Variants in RADX observed in about 807,000 individuals in gnomAD.
The protein encoded by RADX is RPA-related protein RADX.
RADX carries 36 observed loss-of-function variants against 61.6 expected under a neutral mutation model. The observed-to-expected ratio is 0.58, with a 90% confidence interval of 0.45 to 0.77. The LOEUF is 0.77. RADX is among the 30% of genes least tolerant of loss of function. The pLI is 0.00. For missense variants in RADX, 497 were observed against 651.1 expected (o/e 0.76, Z 2.58); for synonymous variants, 272 against 237.9 (o/e 1.14, Z -1.32).
chrX:106,666,638 C>T (rs903848840), intron 12 of RADX, among the ~76,000 whole-genome samples: 1 of 111,800 alleles, frequency 8.9e-6, no homozygotes, highest in Non-Finnish European at 1.9e-5. Flanking sequence ...ATTATTTCAG[C>T]GTATCTATAG....
At chrX:106,640,745 T>C in intron 10 of RADX, 24 bp downstream of exon 10, 2 of 1,049,882 alleles carry the variant, frequency 1.9e-6, no homozygotes, top group Non-Finnish European at 2.6e-6. Flanking sequence ...ATTAAGTATA[T>C]GTAAAGTATA....
chrX:106,633,209 G>A lies in RADX; in HGVS notation c.1260G>A (p.Leu420=), dbSNP rs1442433359. The A allele has an allele frequency of 8.3e-7, 1 of 1,205,133 alleles. No individual in the cohort carries two copies. The highest frequency in any genetic ancestry group is 1.7e-5 in the African/African-American group (1 of 57,671). The part of the protein sequence containing the change: ...GTSEQPFIVE[L]FSTSQPEIFE... ...CAGAACAACCATTTATAGTGGAACTGTTTTCAACATCGCAGCCAGAAATCT... is the reference window on the plus strand; with the variant it reads ...CAGAACAACCATTTATAGTGGAACTATTTTCAACATCGCAGCCAGAAATCT... The change falls in exon 6 of 14, where the codon CTG becomes CTA. Residue 420 remains leucine (L), a synonymous_variant. Coordinates refer to ENST00000372548, the MANE Select transcript of RADX (RefSeq NM_018015.6).
intron 13 of RADX, among the ~76,000 whole-genome samples, chrX:106,677,231 A>C (rs1928533358): frequency 1.8e-5 from 2 of 112,237 alleles, no homozygotes; most frequent in Non-Finnish European, 3.8e-5. Context: ...AGCAACCTGC[A>C]CCAGAAGTGC....
chrX:106,665,670 A>G (rs1243306762), intron 12 of RADX, among the ~76,000 whole-genome samples: 1 of 110,844 alleles, frequency 9.0e-6, no homozygotes, highest in Non-Finnish European at 1.9e-5. Context: ...TGTCTAATTT[A>G]GTGATACTAT....
In RADX at chrX:106,619,158, G is replaced by A. The variant is rs781573952; in HGVS notation, c.644-3493G>A. 4.5e-5 allele frequency among the ~76,000 whole-genome samples: 5 copies of A among 110,312 alleles called. No individual in the cohort carries two copies. In the South Asian group the frequency reaches 1.9e-3, roughly 43 times the overall value. ...TGAATGTTTTTTTAAAAAATTTTAT[G>A]GGTACATAGTAGGTGTAGATATATA... On this transcript the variant is annotated intron_variant, in intron 1 of 13. Transcript: ENST00000372548.
intron 1 of RADX, among the ~76,000 whole-genome samples, chrX:106,617,950 G>C (rs1685764871): frequency 8.9e-6 from 1 of 111,828 alleles, no homozygotes; most frequent in South Asian, 3.7e-4. Flanking sequence ...ATTTGGAAAA[G>C]GTTGCAAAGA....
chrX:106,625,571 A>G (rs1239878138), intron 3 of RADX, among the ~76,000 whole-genome samples: 2 of 111,874 alleles, frequency 1.8e-5, no homozygotes, highest in Admixed American at 9.5e-5. Flanking sequence ...GTCATATAAT[A>G]TTAAGTTAAT....
chrX:106,646,624 A>G (rs73529272), intron 10 of RADX, among the ~76,000 whole-genome samples: 5,663 of 110,924 alleles, frequency 0.051, 357 homozygotes, highest in African/African-American at 0.18. Flanking sequence ...CTTGTAGGAA[A>G]TTATGCTGGA....
In RADX at chrX:106,657,975, A is replaced by G. The variant is rs1049419535; in HGVS notation, c.1979-4040A>G. On this transcript the variant is annotated intron_variant, in intron 11 of 13. Transcript: ENST00000372548. ...AACACAGGGTTCCCACAGACCTTCA[A>G]TTTGCAAAAAAATGCAATATCTGTG... Among the ~76,000 whole-genome samples, 4 of 111,893 alleles carry G rather than the reference A, an allele frequency of 3.6e-5. No homozygotes were observed. The East Asian group carries it at 8.4e-4, about 24-fold the overall frequency.
At chrX:106,677,470 G>A (rs1050565129) in intron 13 of RADX, among the ~76,000 whole-genome samples, 3 of 107,546 alleles carry the variant, frequency 2.8e-5, no homozygotes, top group Admixed American at 1.0e-4. Context: ...CCTGGAACTC[G>A]TTACTCTGCC....
At chrX:106,650,461 A>G (rs1927766523) in intron 11 of RADX, among the ~76,000 whole-genome samples, 1 of 111,052 alleles carries the variant, frequency 9.0e-6, no homozygotes, top group Admixed American at 9.6e-5. Flanking sequence ...ACAAGCTTCC[A>G]AAGGAAATGA....
chrX:106,630,329 C>T (rs1363324199), intron 3 of RADX, among the ~76,000 whole-genome samples: 19 of 79,437 alleles, frequency 2.4e-4, no homozygotes, highest in African/African-American at 8.0e-4. Flanking sequence ...ACAACAACTA[C>T]AAAAAAACAA....
At chrX:106,658,964 A>ATTT (rs71937728) in intron 11 of RADX, among the ~76,000 whole-genome samples, 27 of 96,126 alleles carry the variant, frequency 2.8e-4, no homozygotes, top group African/African-American at 1.0e-3. Flanking sequence ...ATCCCATTAC[A>ATTT]TTTTTTTTTT....
At chrX:106,613,149 A>C (rs2147606965) in intron 1 of RADX, among the ~76,000 whole-genome samples, 1 of 112,268 alleles carries the variant, frequency 8.9e-6, no homozygotes, top group African/African-American at 3.2e-5. Flanking sequence ...AAAGGTTGTA[A>C]AAATTTGCGG....
chrX:106,622,859 C>G (rs549239575), intron 2 of RADX, 66 bp downstream of exon 2: 1 of 608,047 alleles, frequency 1.6e-6, no homozygotes, highest in Admixed American at 4.4e-5. Flanking sequence ...CACCTCACTC[C>G]ATAGTATGAT....
intron 12 of RADX, 124 bp downstream of exon 12, chrX:106,662,429 C>G (rs1928123934): frequency 1.7e-6 from 1 of 584,844 alleles, no homozygotes; most frequent in African/African-American, 2.3e-5. Context: ...TTTTGTTTGG[C>G]TCCAACAAAA....
chrX:106,614,508 C>T (rs1358846541), intron 1 of RADX, among the ~76,000 whole-genome samples: 1 of 112,046 alleles, frequency 8.9e-6, no homozygotes, highest in African/African-American at 3.2e-5. Flanking sequence ...TATGTTCAAG[C>T]ATTGCTGTTG....
rs145274616 is a variant in RADX at position 106,636,434 on chromosome X, A to G, written c.1304-109A>G. On this transcript the variant is annotated intron_variant, in intron 6 of 13. Transcript: ENST00000372548. ...GAATTTGCATTTTAACATTGGTACC[A>G]TGTGATTTCTTTGTGCATTAAAGTT... The G allele has an allele frequency of 6.1e-3, 2,957 of 482,248 alleles. 6 individuals carry two copies. Among genetic ancestry groups the G allele is most frequent in the Non-Finnish European group, 7.8e-3 (2,125 of 273,254 alleles). 39.7% of individuals were successfully genotyped at this position (482,248 alleles called of 1,213,427 possible).
chrX:106,657,938 A>G (rs1927988483), intron 11 of RADX, among the ~76,000 whole-genome samples: 1 of 111,951 alleles, frequency 8.9e-6, no homozygotes, highest in Non-Finnish European at 1.9e-5. Context: ...AATGTCACCA[A>G]TAGACTTGCT....
Sources: allele counts gnomAD v4.1 joint callset (sites outside exome capture counted in the v4.1 genomes callset), GRCh38; gene constraint gnomAD v4.1.1; transcripts MANE v1.5; gene names NCBI Gene and HGNC (gene_info 2026-07-23, HGNC 2026-07-21).